DOCK2: variants seen among roughly 807,000 people sequenced by gnomAD.
DOCK2 encodes the protein dedicator of cytokinesis 2, also known as dedicator of cytokinesis protein 2.
Under a neutral mutation model 248.9 loss-of-function variants are expected in DOCK2, and 87 were observed. That is an observed-to-expected ratio of 0.35 (90% CI 0.29 to 0.42). The LOEUF (loss-of-function observed/expected upper bound fraction) is 0.42. DOCK2 is among the 10% of genes least tolerant of loss of function. The probability of loss-of-function intolerance (pLI) is 1.00; values close to 1 mark genes in which losing one functional copy is unlikely to be tolerated. For synonymous variants in DOCK2, 805 were observed against 821.6 expected, an observed-to-expected ratio of 0.98 and a Z score of 0.35; for missense variants, 1,747 against 2,300.2, an observed-to-expected ratio of 0.76 and a Z score of 4.92.
intron 27 of DOCK2, among the ~76,000 whole-genome samples, chr5:169,842,449 C>T (rs1258640584): frequency 1.3e-5 from 2 of 151,092 alleles, no homozygotes; most frequent in African/African-American, 2.4e-5. Flanking sequence ...CCTCCACCTC[C>T]TGGGTTCAAG....
intron 27 of DOCK2, among the ~76,000 whole-genome samples, chr5:169,843,481 C>T (rs1770113325): frequency 6.6e-6 from 1 of 152,200 alleles, no homozygotes; most frequent in African/African-American, 2.4e-5. Flanking sequence ...AAGATCGCGC[C>T]ACTGCACTCC....
chr5:170,052,076 A>T (rs1240787538), intron 41 of DOCK2, among the ~76,000 whole-genome samples: 3 of 152,204 alleles, frequency 2.0e-5, no homozygotes, highest in Admixed American at 2.0e-4. Flanking sequence ...AACTCCCAGC[A>T]TTGCACCGTT....
At chr5:169,851,507 G>A (rs1302197750) in intron 27 of DOCK2, among the ~76,000 whole-genome samples, 1 of 152,184 alleles carries the variant, frequency 6.6e-6, no homozygotes, top group Non-Finnish European at 1.5e-5. Context: ...CTATGGGTAG[G>A]GAGTGCTCCT....
intron 27 of DOCK2, among the ~76,000 whole-genome samples, chr5:169,950,111 G>T (rs1220262389): frequency 6.6e-6 from 1 of 152,178 alleles, no homozygotes; most frequent in Non-Finnish European, 1.5e-5. Flanking sequence ...GTAGATGGTG[G>T]TGGCCTTTCT....
chr5:169,737,010 A>C (rs1763071887), intron 22 of DOCK2, among the ~76,000 whole-genome samples: 2 of 152,170 alleles, frequency 1.3e-5, no homozygotes, highest in South Asian at 4.1e-4. Flanking sequence ...AGTGTAGTTG[A>C]GAAGAGACAT....
chr5:169,708,976 G>T lies in DOCK2; in HGVS notation c.1482+709G>T, dbSNP rs577741984. On this transcript the variant is annotated intron_variant, in intron 15 of 51. Coordinates refer to ENST00000520908, the MANE Select transcript of DOCK2 (RefSeq NM_004946.3). ...AATGCTCACCAATGGTGTGACCTTG[G>T]GCAAGTCATTCACCTGCTCTGTGCC... Among the ~76,000 whole-genome samples, 13 of 152,280 alleles carry T rather than the reference G, an allele frequency of 8.5e-5. No individual in the cohort carries two copies. In the East Asian group the frequency reaches 9.6e-4, roughly 11 times the overall value.
At chr5:169,736,106 C>A (rs1763026876) in intron 22 of DOCK2, among the ~76,000 whole-genome samples, 2 of 152,194 alleles carry the variant, frequency 1.3e-5, no homozygotes, top group Admixed American at 1.3e-4. Flanking sequence ...CATCTCTCGC[C>A]AGGTCCCTCC....
chr5:169,736,420 T>C (rs747637802), intron 22 of DOCK2, among the ~76,000 whole-genome samples: 3 of 152,182 alleles, frequency 2.0e-5, no homozygotes, highest in Non-Finnish European at 4.4e-5. Context: ...TTTAATGTAA[T>C]ATTCTAGTGC....
chr5:170,062,545 G>A (rs981788189), intron 44 of DOCK2, among the ~76,000 whole-genome samples: 4 of 152,152 alleles, frequency 2.6e-5, no homozygotes, highest in Admixed American at 2.0e-4. Flanking sequence ...CTCTCCCTGT[G>A]GAGAGGAGGG....
rs181931721 is a variant in DOCK2 at position 169,876,878 on chromosome 5, C to A, written c.2799+36026C>A. On this transcript the variant is annotated intron_variant, in intron 27 of 51. Transcript: ENST00000520908. ...CCTCTCCTAGTTAATAGAGTCATTT[C>A]TTTCTTTAATAAGAACCTACTGAGC... is the stretch of plus-strand genomic sequence containing the variant. Among the ~76,000 whole-genome samples, 154 of 152,310 alleles carry A rather than the reference C, an allele frequency of 1.0e-3. 1 individual carries two copies. Among genetic ancestry groups the A allele is most frequent in the Non-Finnish European group, 1.9e-3 (128 of 68,024 alleles).
chr5:169,788,119 G>T (rs1175621457), intron 25 of DOCK2, among the ~76,000 whole-genome samples: 1 of 152,012 alleles, frequency 6.6e-6, no homozygotes, highest in African/African-American at 2.4e-5. Context: ...TTCTTTTCAA[G>T]AAAACCTTCT....
At chr5:169,811,010 C>A (rs1767718346) in intron 26 of DOCK2, among the ~76,000 whole-genome samples, 1 of 152,010 alleles carries the variant, frequency 6.6e-6, no homozygotes, top group African/African-American at 2.4e-5. Flanking sequence ...CACACACACA[C>A]ACACACACAC....
intron 25 of DOCK2, among the ~76,000 whole-genome samples, chr5:169,783,620 A>T (rs1765826074): frequency 6.6e-6 from 1 of 152,164 alleles, no homozygotes; most frequent in Non-Finnish European, 1.5e-5. Flanking sequence ...TTGAAGTTAG[A>T]GACACTGTAG....
intron 25 of DOCK2, among the ~76,000 whole-genome samples, chr5:169,776,706 A>G (rs1254692857): frequency 1.3e-5 from 2 of 152,164 alleles, no homozygotes; most frequent in African/African-American, 4.8e-5. Flanking sequence ...TCATGGCAGC[A>G]GTTTTCCCCA....
intron 27 of DOCK2, among the ~76,000 whole-genome samples, chr5:169,944,992 A>G (rs543674304): frequency 5.9e-5 from 9 of 152,266 alleles, no homozygotes; most frequent in South Asian, 4.1e-4. Flanking sequence ...TGGCTGGCAA[A>G]TACCTCTAGG....
At chr5:169,921,723 C>T (rs979815042) in intron 27 of DOCK2, among the ~76,000 whole-genome samples, 14 of 152,168 alleles carry the variant, frequency 9.2e-5, no homozygotes, top group African/African-American at 3.1e-4. Flanking sequence ...CCCAGGAGTA[C>T]ATTGAAATGA....
intron 5 of DOCK2, 35 bp downstream of exon 5, chr5:169,671,209 C>A: frequency 6.3e-7 from 1 of 1,586,158 alleles, no homozygotes; most frequent in Non-Finnish European, 8.6e-7. Context: ...GAGTTGGAAG[C>A]TTCTTGCAAT....
intron 36 of DOCK2, among the ~76,000 whole-genome samples, chr5:170,040,338 A>T (rs950368230): frequency 3.3e-5 from 5 of 152,188 alleles, no homozygotes; most frequent in Non-Finnish European, 7.3e-5. Context: ...ACCCTCAGTT[A>T]TATTGCCATC....
rs556579925 is a variant in DOCK2 at position 169,856,925 on chromosome 5, A to T, written c.2799+16073A>T. Among the ~76,000 whole-genome samples the T allele has an allele frequency of 2.6e-4, 39 of 152,342 alleles. No homozygotes were observed. The East Asian group carries it at 7.3e-3, about 29-fold the overall frequency. ...TTAAGAAATAAAGGTTTTTGTCAGG[A>T]GCAAACATATGGGTTTCATTTGAGT... On this transcript the variant is annotated intron_variant, in intron 27 of 51. Transcript: ENST00000520908.
Sources: allele counts gnomAD v4.1 joint callset (sites outside exome capture counted in the v4.1 genomes callset), GRCh38; gene constraint gnomAD v4.1.1; transcripts MANE v1.5; gene names NCBI Gene and HGNC (gene_info 2026-07-23, HGNC 2026-07-21).